Variants in ADAMTS3 observed in about 807,000 individuals in gnomAD.
ADAMTS3 encodes ADAM metallopeptidase with thrombospondin type 1 motif 3.
Under a neutral mutation model 129.0 loss-of-function variants are expected in ADAMTS3, and 73 were observed. That is an observed-to-expected ratio of 0.57 (90% CI 0.47 to 0.69). The LOEUF (loss-of-function observed/expected upper bound fraction) is 0.69, where lower values mean the gene tolerates loss of function less well. Among genes scored for constraint, ADAMTS3 ranks in the 30% least tolerant of loss-of-function variants. The pLI is 0.00. For synonymous variants in ADAMTS3, 477 were observed against 510.8 expected (o/e 0.93, Z 0.89); for missense variants, 1,457 against 1,514.5 (o/e 0.96, Z 0.63).
chr4:72,366,189 CAT>C (rs1031595154), intron 4 of ADAMTS3, among the ~76,000 whole-genome samples: 14 of 152,184 alleles, frequency 9.2e-5, no homozygotes, highest in African/African-American at 2.9e-4. Flanking sequence ...AAATAGCTCA[CAT>C]GTCTTGGCTC....
At chr4:72,291,190 G>T in intron 19 of ADAMTS3, 128 bp from the exon 20 acceptor site, 1 of 893,228 alleles carries the variant, frequency 1.1e-6, no homozygotes, top group Non-Finnish European at 1.7e-6. Context: ...TGCAGTTCAG[G>T]AAGTGGTTTC....
chr4:72,340,538 G>T (rs1720110380), intron 4 of ADAMTS3, among the ~76,000 whole-genome samples: 1 of 151,966 alleles, frequency 6.6e-6, no homozygotes. Flanking sequence ...AAAGTAAGAA[G>T]TCAGTCAGAA....
intron 18 of ADAMTS3, 119 bp from the exon 19 acceptor site, chr4:72,295,905 A>C: frequency 1.6e-6 from 2 of 1,274,444 alleles, no homozygotes; most frequent in Non-Finnish European, 2.2e-6. Flanking sequence ...TATTGAGTGC[A>C]TACAAACCGG....
intron 4 of ADAMTS3, among the ~76,000 whole-genome samples, chr4:72,391,175 TAA>T (rs1267919148): frequency 1.3e-5 from 2 of 152,150 alleles, no homozygotes; most frequent in Non-Finnish European, 2.9e-5. Context: ...GAAGAAAGAA[TAA>T]AGGGTAGTTA....
At chr4:72,567,476 C>T (rs1354536471) in intron 1 of ADAMTS3, 75 bp from the exon 2 acceptor site, 6 of 1,463,182 alleles carry the variant, frequency 4.1e-6, no homozygotes, top group Admixed American at 1.7e-5. Context: ...TTTATTTCTA[C>T]CATTAATGGT....
At chr4:72,286,605 T>C (rs978685393) in intron 21 of ADAMTS3, among the ~76,000 whole-genome samples, 3 of 152,206 alleles carry the variant, frequency 2.0e-5, no homozygotes, top group African/African-American at 7.2e-5. Flanking sequence ...ATTCAAACAA[T>C]GTCTTACTTA....
chr4:72,410,313 T>C (rs1722154750), intron 4 of ADAMTS3, among the ~76,000 whole-genome samples: 1 of 152,124 alleles, frequency 6.6e-6, no homozygotes, highest in Non-Finnish European at 1.5e-5. Flanking sequence ...CTTCTACATG[T>C]TTCCCACCTG....
intron 3 of ADAMTS3, among the ~76,000 whole-genome samples, chr4:72,484,580 G>C (rs1292942106): frequency 6.6e-6 from 1 of 152,118 alleles, no homozygotes; most frequent in Non-Finnish European, 1.5e-5. Flanking sequence ...CAGTTCCCTT[G>C]ATTTATATAC....
chr4:72,314,975 G>C (rs993355183), intron 11 of ADAMTS3, among the ~76,000 whole-genome samples: 1 of 152,032 alleles, frequency 6.6e-6, no homozygotes, highest in Non-Finnish European at 1.5e-5. Flanking sequence ...CCTTTGTTTT[G>C]GGATCTTTGC....
At chr4:72,409,186 G>A (rs1317868071) in intron 4 of ADAMTS3, among the ~76,000 whole-genome samples, 1 of 152,152 alleles carries the variant, frequency 6.6e-6, no homozygotes, top group Non-Finnish European at 1.5e-5. Flanking sequence ...CTAAGCAAAA[G>A]CAGTTGACAT....
In ADAMTS3 at chr4:72,283,646, G is replaced by C. The variant is rs758341758; in HGVS notation, c.3108C>G (p.Tyr1036Ter). ...IFCQMEVLAR[Y>*]CSIPGYNKLC... ...ACTTGTTATAACCTGGTATGGAGCA[G>C]TATCGTGCCAACACTTCCATTTGAC... Residue 1036 changes from tyrosine to a stop codon, truncating the protein, a stop_gained, in exon 22 of 22, where the codon TAC becomes TAG. Coordinates refer to ENST00000286657, the MANE Select transcript of ADAMTS3 (RefSeq NM_014243.3). LOFTEE classifies it low-confidence loss of function (END_TRUNC). 2 of 1,613,318 alleles carry C rather than the reference G, an allele frequency of 1.2e-6. No individual in the cohort carries two copies. Among genetic ancestry groups the C allele is most frequent in the South Asian group, 2.2e-5 (2 of 91,038 alleles).
chr4:72,395,681 C>T (rs1178162838), intron 4 of ADAMTS3, among the ~76,000 whole-genome samples: 1 of 152,148 alleles, frequency 6.6e-6, no homozygotes. Flanking sequence ...CATACAACAA[C>T]ATTTACTGGA....
chr4:72,542,839 AT>A (rs1269098471), intron 3 of ADAMTS3, among the ~76,000 whole-genome samples: 1 of 152,186 alleles, frequency 6.6e-6, no homozygotes, highest in Non-Finnish European at 1.5e-5. Context: ...CAACAGCCTT[AT>A]TTCTAGTTTT....
chr4:72,505,067 T>A (rs1720122931), intron 3 of ADAMTS3, among the ~76,000 whole-genome samples: 2 of 152,234 alleles, frequency 1.3e-5, no homozygotes, highest in African/African-American at 4.8e-5. Context: ...TTTGTGAGTT[T>A]CCATTTTGAT....
chr4:72,462,751 TA>T (rs1209025788), intron 3 of ADAMTS3, among the ~76,000 whole-genome samples: 2 of 151,822 alleles, frequency 1.3e-5, no homozygotes, highest in Non-Finnish European at 2.9e-5. Flanking sequence ...GAATAGAATA[TA>T]AAAAGAAAAT....
intron 3 of ADAMTS3, among the ~76,000 whole-genome samples, chr4:72,469,015 A>G (rs1718993821): frequency 6.6e-6 from 1 of 152,148 alleles, no homozygotes; most frequent in Non-Finnish European, 1.5e-5. Flanking sequence ...TATAGTACAT[A>G]CATATGATTA....
rs536268574 is a variant in ADAMTS3 at position 72,371,366 on chromosome 4, G to A, written c.662-31673C>T. Among the ~76,000 whole-genome samples the A allele has an allele frequency of 1.5e-3, 231 of 151,678 alleles. 1 individual carries two copies. In the Middle Eastern group the frequency reaches 0.017, roughly 11 times the overall value. On this transcript the variant is annotated intron_variant, in intron 4 of 21. Coordinates refer to ENST00000286657, the MANE Select transcript of ADAMTS3 (RefSeq NM_014243.3). ...AATAAAAAAATTAATGCTTACAAGC[G>A]ACACATCTTAAATACTAAAATGCAA...
At position 72,439,521 on chromosome 4, in the gene ADAMTS3, GAAC is replaced by G. The variant is rs1402116853; in HGVS notation, c.505-24553_505-24551del. ...AAGCATTTCTTAAATGTAACATATA[GAAC>G]AACTAACAGTGACTGGTATAATGTT... On this transcript the variant is annotated intron_variant, in intron 3 of 21. Transcript: ENST00000286657. Among the ~76,000 whole-genome samples the G allele has an allele frequency of 2.0e-5, 3 of 150,952 alleles. No homozygotes were observed. The East Asian group carries it at 5.9e-4, about 30-fold the overall frequency.
At chr4:72,461,784 T>C (rs1718778201) in intron 3 of ADAMTS3, among the ~76,000 whole-genome samples, 2 of 151,938 alleles carry the variant, frequency 1.3e-5, no homozygotes, top group African/African-American at 4.8e-5. Flanking sequence ...TGATGTTTGC[T>C]ACATGCAATT....
Sources: allele counts gnomAD v4.1 joint callset (sites outside exome capture counted in the v4.1 genomes callset), GRCh38; gene constraint gnomAD v4.1.1; transcripts MANE v1.5; gene names NCBI Gene and HGNC (gene_info 2026-07-23, HGNC 2026-07-21).